The following SETD9 variants were observed in gnomAD, a reference collection of about 807,000 sequenced individuals.
SETD9 encodes SET domain-containing protein 9.
A neutral mutation model predicts 36.4 loss-of-function variants in SETD9; 37 were observed. The observed-to-expected ratio is 1.02, with a 90% CI of 0.78 to 1.34. SETD9 has a LOEUF of 1.34. Ranked by LOEUF, SETD9 falls within the 40% of genes most tolerant of loss-of-function variation. The pLI is 0.00. For missense variants in SETD9, 323 were observed against 353.2 expected (o/e 0.91, Z 0.69); for synonymous variants, 128 against 132.9 (o/e 0.96, Z 0.26).
chr5:56,924,714 A>C (rs564828204), intron 5 of SETD9, among the ~76,000 whole-genome samples: 52 of 152,296 alleles, frequency 3.4e-4, no homozygotes, highest in African/African-American at 1.3e-3. Flanking sequence ...TCCACACCCA[A>C]ACCAGGGTTC....
rs775551782 is a variant in SETD9 at position 56,913,987 on chromosome 5, A to G, written c.704A>G (p.Asn235Ser). 5.0e-6 allele frequency: 8 copies of G among 1,606,430 alleles called. No homozygotes were observed. The Admixed American group carries it at 5.0e-5, about 10-fold the overall frequency. ...AVGQYVNNCS[N>S]DRAANVCYQE... ...GGACAGTATGTCAACAATTGTTCCA[A>G]TGGTAAGAAGGCATCATGGGGCTGT... Residue 235 changes from asparagine (N) to serine (S), a missense_variant and splice_region_variant, in exon 4 of 6, where the codon AAT becomes AGT. Transcript: ENST00000285947.
At chr5:56,921,685 C>T (rs573964897), downstream of SETD9, 16 of 152,704 alleles carry the variant, frequency 1.0e-4, no homozygotes, top group African/African-American at 3.8e-4. Context: ...AACCTTGAAG[C>T]AACTTATACT....
At chr5:56,914,463 C>A (rs1221661100) in intron 4 of SETD9, among the ~76,000 whole-genome samples, 3 of 151,992 alleles carry the variant, frequency 2.0e-5, no homozygotes, top group African/African-American at 7.2e-5. Flanking sequence ...GAAGTCCAAG[C>A]CTGACTCTTT....
downstream of SETD9, among the ~76,000 whole-genome samples, chr5:56,925,880 TG>T (rs1031361202): frequency 6.6e-6 from 1 of 150,758 alleles, no homozygotes; most frequent in African/African-American, 2.4e-5. Context: ...AGTATGGTAT[TG>T]GGGGGGTGGG....
Position 56,923,819 on chromosome 5 carries a change from C to T in SETD9, c.813-1514C>T, listed in dbSNP as rs138140767. 86 of 1,614,136 alleles carry T rather than the reference C, an allele frequency of 5.3e-5. No individual in the cohort carries two copies. In the South Asian group the frequency reaches 5.9e-4, roughly 11 times the overall value. ...CAAAGCTTCTGTTTCATCTACTAAA[C>T]GATCCATATAGTCCCTGAAAAACAC... On this transcript the variant is annotated intron_variant, in intron 5 of 5. Coordinates refer to the SETD9 transcript ENST00000628593.
downstream of SETD9, chr5:56,917,417 C>A: frequency 1.4e-6 from 1 of 708,806 alleles, no homozygotes; most frequent in Non-Finnish European, 1.7e-6. Context: ...GTCATTATTA[C>A]TATTTTCTTT....
At chr5:56,924,946 A>C (rs566501804) in intron 5 of SETD9, among the ~76,000 whole-genome samples, 1 of 152,228 alleles carries the variant, frequency 6.6e-6, no homozygotes, top group Non-Finnish European at 1.5e-5. Context: ...ATCATTAACT[A>C]TAAGTCTTCG....
In SETD9 at chr5:56,911,498, G is replaced by A. The variant is rs763781089; in HGVS notation, c.428G>A (p.Gly143Glu). The A allele has an allele frequency of 2.5e-6, 4 of 1,592,742 alleles. No homozygotes were observed. The highest frequency in any genetic ancestry group is 3.4e-6 in the Non-Finnish European group (4 of 1,172,242). Residue 143 changes from glycine to glutamate, a missense_variant, in exon 2 of 6, where the codon GGA becomes GAA. Coordinates refer to ENST00000285947, the MANE Select transcript of SETD9 (RefSeq NM_153706.4). ...SAGKGVFVTK[G>E]LVPKGAVVSM... Reference sequence around the variant, plus strand: ...GGAAAAGGTGTCTTCGTTACTAAAGGATTGGTACCAAAAGGCGCAGTCGTA... The same window carrying A: ...GGAAAAGGTGTCTTCGTTACTAAAGAATTGGTACCAAAAGGCGCAGTCGTA...
chr5:56,917,275 G>A lies in SETD9; in HGVS notation c.*373G>A. ...CAGCAGTTCTTGTAGTACTGCTGATGTGTACAAACTTCTGTAAAAACTTTA... is the reference window on the plus strand; with the variant it reads ...CAGCAGTTCTTGTAGTACTGCTGATATGTACAAACTTCTGTAAAAACTTTA... On this transcript the variant is annotated 3_prime_UTR_variant, in exon 6 of 6. Coordinates refer to ENST00000285947, the MANE Select transcript of SETD9 (RefSeq NM_153706.4). 1 of 1,022,654 alleles carries A rather than the reference G, an allele frequency of 9.8e-7. No individual in the cohort carries two copies. Among genetic ancestry groups the A allele is most frequent in the Non-Finnish European group, 1.2e-6 (1 of 855,520 alleles). 63.3% of individuals were successfully genotyped at this position (1,022,654 alleles called of 1,614,324 possible).
chr5:56,925,981 G>T (rs978992219), downstream of SETD9, among the ~76,000 whole-genome samples: 16 of 151,854 alleles, frequency 1.1e-4, no homozygotes, highest in Non-Finnish European at 2.9e-5. Flanking sequence ...AAGAACAAAG[G>T]CAATTCCATG....
chr5:56,924,420 C>T (rs1191162471), intron 5 of SETD9, among the ~76,000 whole-genome samples: 1 of 152,162 alleles, frequency 6.6e-6, no homozygotes, highest in East Asian at 1.9e-4. Context: ...GATTAACTAA[C>T]CCCTGAGGGG....
chr5:56,923,607 T>C, intron 5 of SETD9: 2 of 1,611,356 alleles, frequency 1.2e-6, no homozygotes, highest in Non-Finnish European at 1.7e-6. Context: ...TGGAAAATTG[T>C]TTAAGTAAGT....
At chr5:56,919,720 C>T (rs1397505333), downstream of SETD9, 1 of 152,562 alleles carries the variant, frequency 6.6e-6, no homozygotes, top group African/African-American at 2.4e-5. Flanking sequence ...AATGCAATAG[C>T]AACTTCCTCT....
At chr5:56,923,758 G>C in intron 5 of SETD9, 1 of 1,614,152 alleles carries the variant, frequency 6.2e-7, no homozygotes, top group Non-Finnish European at 8.5e-7. Flanking sequence ...GCTCAGGCCG[G>C]TTAGAAGTTA....
chr5:56,919,031 C>CTGTCT (rs1249722637), downstream of SETD9, among the ~76,000 whole-genome samples: 3 of 151,624 alleles, frequency 2.0e-5, no homozygotes, highest in African/African-American at 7.3e-5. Context: ...TCAGATCTGT[C>CTGTCT]TGTCTTCATA....
At chr5:56,910,653 G>A (rs1316030647) in intron 1 of SETD9, 1 of 260,364 alleles carries the variant, frequency 3.8e-6, no homozygotes, top group East Asian at 1.3e-4. Context: ...AATAAGAGGT[G>A]CAGTCATTGA....
At position 56,911,512 on chromosome 5, in the gene SETD9, G is replaced by A; in HGVS notation, c.442G>A (p.Gly148Ser). 2.5e-6 allele frequency: 4 copies of A among 1,579,866 alleles called. No individual in the cohort carries two copies. Among genetic ancestry groups the A allele is most frequent in the Non-Finnish European group, 3.4e-6 (4 of 1,166,800 alleles). Reference sequence around the variant, plus strand: ...CGTTACTAAAGGATTGGTACCAAAAGGCGCAGTCGTATCTATGTATCCTGG... The same window carrying A: ...CGTTACTAAAGGATTGGTACCAAAAAGCGCAGTCGTATCTATGTATCCTGG... The part of the protein sequence containing the change: ...VFVTKGLVPK[G>S]AVVSMYPGTV... The change falls in exon 2 of 6, where the codon GGC (glycine) becomes AGC (serine). Residue 148 changes from glycine (G) to serine (S), a missense_variant. Physicochemically the swap from Gly to Ser is moderately conservative, Grantham distance 56. Transcript: ENST00000285947.
intron 3 of SETD9, 35 bp from the exon 4 acceptor site, chr5:56,913,839 A>G: frequency 2.3e-6 from 3 of 1,280,528 alleles, no homozygotes; most frequent in African/African-American, 1.4e-5. Flanking sequence ...ATTTTAAGAT[A>G]CAGATCCATT....
downstream of SETD9, chr5:56,920,828 C>A (rs974309805): frequency 6.6e-6 from 1 of 152,406 alleles, no homozygotes; most frequent in African/African-American, 2.4e-5. Flanking sequence ...AAAAATCTTG[C>A]AAATTATTGC....
Sources: gnomAD v4.1 joint callset for allele counts (sites outside exome capture counted in the v4.1 genomes callset) on GRCh38, gnomAD v4.1.1 for gene constraint, MANE v1.5 for transcripts, NCBI Gene and HGNC (gene_info 2026-07-23, HGNC 2026-07-21) for gene names.